The following MTA3 variants were observed in gnomAD, a reference collection of about 807,000 sequenced individuals.
MTA3 encodes metastasis associated 1 family member 3, also known as metastasis-associated protein MTA3.
Under a neutral mutation model 83.5 loss-of-function variants are expected in MTA3, and 34 were observed. The ratio of observed to expected loss-of-function variants is 0.41; its 90% CI spans 0.31 to 0.54. MTA3 has a LOEUF of 0.54. Among genes scored for constraint, MTA3 ranks in the 20% least tolerant of loss-of-function variants. MTA3 has a pLI of 0.33. For synonymous variants in MTA3, 303 were observed against 252.7 expected (o/e 1.20, Z -1.89); for missense variants, 761 against 726.4 (o/e 1.05, Z -0.55).
rs146740409 is a variant in MTA3, at chr2:42,555,455, CA to C, written c.-140-14960del. Among the ~76,000 whole-genome samples, 286 of 54,326 alleles carry C rather than the reference CA, an allele frequency of 5.3e-3. 1 individual carries two copies. Among genetic ancestry groups the C allele is most frequent in the African/African-American group, 0.021 (252 of 11,964 alleles). 35.6% of individuals were successfully genotyped at this position (54,326 alleles called of 152,430 possible). ...GGGCAACAAGAGCGAAACTCCATCT[CA>C]AAAAAAAAAAAAAAAAAAAAAGAGC... On this transcript the variant is annotated intron_variant, in intron 2 of 17. Transcript: ENST00000405592.
intron 2 of MTA3, among the ~76,000 whole-genome samples, chr2:42,534,903 G>C (rs1011815801): frequency 6.6e-6 from 1 of 151,818 alleles, no homozygotes; most frequent in African/African-American, 2.4e-5. Context: ...TTTTACTGGC[G>C]TGAGCCACTG....
chr2:42,670,272 A>G (rs1408242568), intron 8 of MTA3, among the ~76,000 whole-genome samples: 1 of 152,200 alleles, frequency 6.6e-6, no homozygotes, highest in Non-Finnish European at 1.5e-5. Context: ...AAAAAAAAAA[A>G]AAATCTTAAA....
intron 4 of MTA3, among the ~76,000 whole-genome samples, chr2:42,624,624 C>G (rs907163687): frequency 6.6e-6 from 1 of 152,056 alleles, no homozygotes; most frequent in African/African-American, 2.4e-5. Context: ...CTGTGCCCAG[C>G]CTCTTTTTTT....
intron 16 of MTA3, among the ~76,000 whole-genome samples, chr2:42,734,244 T>G (rs1162311958): frequency 6.6e-6 from 1 of 152,172 alleles, no homozygotes; most frequent in African/African-American, 2.4e-5. Context: ...TAATTGTTAC[T>G]GCCTCTTACT....
At chr2:42,676,568 C>G (rs1201508240) in intron 8 of MTA3, among the ~76,000 whole-genome samples, 1 of 152,112 alleles carries the variant, frequency 6.6e-6, no homozygotes, top group African/African-American at 2.4e-5. Context: ...GAGTTGGAGA[C>G]CAGCCCGGGC....
intron 6 of MTA3, among the ~76,000 whole-genome samples, chr2:42,654,971 A>G (rs1417646438): frequency 6.6e-6 from 1 of 152,170 alleles, no homozygotes; most frequent in African/African-American, 2.4e-5. Context: ...CTTGAAATCT[A>G]CACTCTACAT....
chr2:42,557,055 A>G (rs1437195089), intron 2 of MTA3, among the ~76,000 whole-genome samples: 1 of 152,124 alleles, frequency 6.6e-6, no homozygotes, highest in Non-Finnish European at 1.5e-5. Flanking sequence ...ACAGTCCAAA[A>G]TATATATACC....
chr2:42,696,585 A>G (rs1459634886), intron 10 of MTA3, among the ~76,000 whole-genome samples: 1 of 150,566 alleles, frequency 6.6e-6, no homozygotes, highest in African/African-American at 2.5e-5. Flanking sequence ...TAGATGCTAT[A>G]AAAAAATTTT....
intron 2 of MTA3, among the ~76,000 whole-genome samples, chr2:42,574,295 C>T (rs1473351609): frequency 6.6e-6 from 1 of 150,544 alleles, no homozygotes; most frequent in Non-Finnish European, 1.5e-5. Flanking sequence ...CCACCATGCC[C>T]GGCTAATTTT....
chr2:42,646,303 C>G (rs1297114003), intron 6 of MTA3, among the ~76,000 whole-genome samples: 1 of 152,208 alleles, frequency 6.6e-6, no homozygotes, highest in African/African-American at 2.4e-5. Context: ...AGACAACATC[C>G]ATTCTGGAGT....
chr2:42,572,926 C>G (rs1678653904), intron 2 of MTA3, among the ~76,000 whole-genome samples: 1 of 151,978 alleles, frequency 6.6e-6, no homozygotes, highest in South Asian at 2.1e-4. Flanking sequence ...CAGAGTTTCA[C>G]CATGTTGGTT....
chr2:42,692,820 A>G (rs112458713), intron 9 of MTA3, among the ~76,000 whole-genome samples: 2,191 of 152,134 alleles, frequency 0.014, 54 homozygotes, highest in African/African-American at 0.049. Context: ...GTGAGGTCAT[A>G]TTTTCCTGGA....
chr2:42,623,492 T>C (rs1228491605), intron 4 of MTA3, among the ~76,000 whole-genome samples: 1 of 152,148 alleles, frequency 6.6e-6, no homozygotes, highest in Non-Finnish European at 1.5e-5. Context: ...AGTGCTCTCC[T>C]AGCTTGCAAG....
At chr2:42,552,427 C>T (rs1055797238) in intron 2 of MTA3, among the ~76,000 whole-genome samples, 12 of 152,158 alleles carry the variant, frequency 7.9e-5, no homozygotes, top group Admixed American at 7.9e-4. Context: ...AAAACTTTCT[C>T]TCACTTGGAC....
Position 42,754,682 on chromosome 2 carries a change from C to T in MTA3, c.*1283C>T. On this transcript the variant is annotated 3_prime_UTR_variant, in exon 17 of 17. Coordinates refer to ENST00000405094, the MANE Select transcript of MTA3 (RefSeq NM_001330442.2). ...GACAACTGGAGTCTGATCTCCCAGC[C>T]ATCTCTGGGGTTACTAGGAGGCAGC... The T allele has an allele frequency of 2.0e-6, 2 of 985,512 alleles. No homozygotes were observed. Among genetic ancestry groups the T allele is most frequent in the Non-Finnish European group, 2.4e-6 (2 of 829,976 alleles). The allele number at this position is 985,512 out of a possible 1,614,324, so 61.0% of individuals were successfully genotyped here.
rs535621417 is a variant in MTA3 at position 42,580,850 on chromosome 2, G to A, written c.190+1650G>A. Reference sequence around the variant, plus strand: ...ACCTCAAGTGATCCGCCCAGCTTGGGAGTGCTGGGATTACAGGTGTGAACC... The same window carrying A: ...ACCTCAAGTGATCCGCCCAGCTTGGAAGTGCTGGGATTACAGGTGTGAACC... On this transcript the variant is annotated intron_variant, in intron 3 of 16. Transcript: ENST00000405094. 5.3e-5 allele frequency among the ~76,000 whole-genome samples: 8 copies of A among 152,184 alleles called. No individual in the cohort carries two copies. The South Asian group carries it at 1.7e-3, about 32-fold the overall frequency.
chr2:42,557,362 G>A lies in MTA3; in HGVS notation c.-140-13075G>A, dbSNP rs111801327. Among the ~76,000 whole-genome samples, 268 of 151,976 alleles carry A rather than the reference G, an allele frequency of 1.8e-3. 5 individuals are homozygous for A. Among genetic ancestry groups the A allele is most frequent in the African/African-American group, 6.2e-3 (257 of 41,456 alleles). On this transcript the variant is annotated intron_variant, in intron 2 of 17. Coordinates refer to the MTA3 transcript ENST00000405592. Reference sequence around the variant, plus strand: ...TTCATTGTTCTAGAAGCCTGGAGGGGGTGGGGTAGGGTGGGGGAGTCAGGG... The same window carrying A: ...TTCATTGTTCTAGAAGCCTGGAGGGAGTGGGGTAGGGTGGGGGAGTCAGGG...
chr2:42,548,812 T>TATATATATATA (rs1676883053), intron 2 of MTA3, among the ~76,000 whole-genome samples: 1 of 37,206 alleles, frequency 2.7e-5, no homozygotes, highest in Non-Finnish European at 4.3e-5. Context: ...CAAAAAAAAA[T>TATATATATATA]ATATATATAT....
intron 4 of MTA3, among the ~76,000 whole-genome samples, chr2:42,632,479 G>C (rs1686779976): frequency 6.6e-6 from 1 of 152,158 alleles, no homozygotes; most frequent in South Asian, 2.1e-4. Context: ...CTGGTGGTCA[G>C]AGTGATTCAT....
Sources: gnomAD v4.1 joint callset for allele counts (sites outside exome capture counted in the v4.1 genomes callset) on GRCh38, gnomAD v4.1.1 for gene constraint, MANE v1.5 for transcripts, NCBI Gene and HGNC (gene_info 2026-07-23, HGNC 2026-07-21) for gene names.